The following ACTR3C variants were observed in gnomAD, a reference collection of about 807,000 sequenced individuals.
ACTR3C encodes actin related protein 3C.
ACTR3C carries 18 observed loss-of-function variants against 26.3 expected under a neutral mutation model. That is an observed-to-expected ratio of 0.68 (90% confidence interval 0.47 to 1.01). The LOEUF (loss-of-function observed/expected upper bound fraction) is 1.01, where lower values mean the gene tolerates loss of function less well. Ranked by LOEUF, ACTR3C falls within the 50% of genes least tolerant of loss-of-function variation. The pLI, the probability that ACTR3C is intolerant of heterozygous loss-of-function variation, is 0.00. For synonymous variants in ACTR3C, 55 were observed against 94.5 expected, an observed-to-expected ratio of 0.58 and a Z score of 2.42; for missense variants, 184 against 250.7, an observed-to-expected ratio of 0.73 and a Z score of 1.80.
At chr7:149,917,179 G>A in the ACTR3C span, among the ~76,000 whole-genome samples, 2 of 151,476 alleles carry the variant, frequency 1.3e-5, no homozygotes, top group Non-Finnish European at 2.9e-5. Flanking sequence ...GGGTTCAAGC[G>A]ATTCTCCTGC....
rs1315651494 is a variant in ACTR3C at position 150,272,595 on chromosome 7, A to T, written c.564+12158T>A. On this transcript the variant is annotated intron_variant, in intron 6 of 7. Transcript: ENST00000683684. ...CCAATAAATGTATTCTTTCCATCTC[A>T]TCTCAAAGTAAAGCAACAGTGCTTA... 9.3e-5 allele frequency among the ~76,000 whole-genome samples: 13 copies of T among 139,086 alleles called. 3 individuals carry two copies. In the East Asian group the frequency reaches 2.7e-3, roughly 28 times the overall value. 91.2% of individuals were successfully genotyped at this position (139,086 alleles called of 152,430 possible). A position where few individuals can be genotyped will look rare whatever the true frequency, so the allele number is the denominator to read the frequency against.
intron 1 of ACTR3C, among the ~76,000 whole-genome samples, chr7:150,319,202 CTTCT>C (rs1405851485): frequency 4.9e-5 from 7 of 143,866 alleles, no homozygotes; most frequent in East Asian, 2.3e-4. Flanking sequence ...AAAATTGCTT[CTTCT>C]TTTTTTTTTT....
chr7:150,205,109 G>GA, the ACTR3C span, among the ~76,000 whole-genome samples: 1 of 152,228 alleles, frequency 6.6e-6, no homozygotes, highest in African/African-American at 2.4e-5. Context: ...GAAAGAGCCA[G>GA]AAAAAAAGCT....
chr7:150,037,575 G>GCAAA, the ACTR3C span, among the ~76,000 whole-genome samples: 1 of 61,548 alleles, frequency 1.6e-5, no homozygotes, highest in African/African-American at 6.1e-5. Context: ...CTAAGAACCC[G>GCAAA]GGGGGGAAGA....
In ACTR3C at chr7:150,298,024, A is replaced by G. The variant is rs567187269; in HGVS notation, c.-51-2677T>C. ...GTGAAATCAAAAGATATTATTTAAA[A>G]CTGATAAAGTATCAGAGGCATTAGT... On this transcript the variant is annotated intron_variant, in intron 1 of 7. Coordinates refer to ENST00000683684, the MANE Select transcript of ACTR3C (RefSeq NM_001164458.2). Among the ~76,000 whole-genome samples, 11 of 151,604 alleles carry G rather than the reference A, an allele frequency of 7.3e-5. No individual in the cohort carries two copies. In the South Asian group the frequency reaches 1.5e-3, roughly 20 times the overall value.
intron 6 of ACTR3C, among the ~76,000 whole-genome samples, chr7:150,258,765 C>CTT (rs1389994250): frequency 6.6e-6 from 1 of 150,498 alleles, no homozygotes; most frequent in Non-Finnish European, 1.5e-5. Context: ...AAAGATCCAA[C>CTT]ATAAGAATAC....
chr7:149,908,785 CT>C, the ACTR3C span, among the ~76,000 whole-genome samples: 97 of 145,750 alleles, frequency 6.7e-4, no homozygotes, highest in Admixed American at 1.1e-3. Context: ...GGAATCCTAT[CT>C]TTTTTTTTTT....
the ACTR3C span, among the ~76,000 whole-genome samples, chr7:150,110,933 A>G: frequency 3.4e-5 from 5 of 148,786 alleles, no homozygotes; most frequent in Admixed American, 3.3e-4. Flanking sequence ...GTCAGGGGAC[A>G]TTGGAGAGAG....
At chr7:150,136,264 C>T in the ACTR3C span, among the ~76,000 whole-genome samples, 1 of 152,180 alleles carries the variant, frequency 6.6e-6, no homozygotes. Context: ...GGTAGCGTCT[C>T]CAGAACCTGT....
chr7:150,104,974 C>G, the ACTR3C span, among the ~76,000 whole-genome samples: 1 of 151,904 alleles, frequency 6.6e-6, no homozygotes, highest in Non-Finnish European at 1.5e-5. Context: ...CAATATATAC[C>G]GATAGCACAT....
chr7:150,198,540 A>T, the ACTR3C span, among the ~76,000 whole-genome samples: 4 of 121,384 alleles, frequency 3.3e-5, no homozygotes, highest in South Asian at 2.7e-4. Context: ...GCCGAGACCC[A>T]GTCTGGGAGG....
chr7:149,881,693 A>C, the ACTR3C span: 2,045 of 152,456 alleles, frequency 0.013, 18 homozygotes, highest in Middle Eastern at 0.034. Context: ...GGGGGTTCAG[A>C]GTGAGAAAAA....
At chr7:150,009,530 T>C in the ACTR3C span, among the ~76,000 whole-genome samples, 2 of 152,250 alleles carry the variant, frequency 1.3e-5, no homozygotes, top group African/African-American at 4.8e-5. Context: ...GCAGTAGCTT[T>C]GGGTAATAAA....
the ACTR3C span, among the ~76,000 whole-genome samples, chr7:149,925,778 C>T: frequency 1.3e-5 from 2 of 151,882 alleles, no homozygotes; most frequent in South Asian, 4.2e-4. Flanking sequence ...AAAAAACCTA[C>T]CAGCTGGGCA....
the ACTR3C span, among the ~76,000 whole-genome samples, chr7:150,031,275 T>TC: frequency 2.3e-5 from 3 of 132,480 alleles, no homozygotes; most frequent in Non-Finnish European, 3.2e-5. Context: ...AAAAAAAAAG[T>TC]AAAAAAAAAA....
chr7:150,271,270 C>T (rs999852126), intron 6 of ACTR3C, among the ~76,000 whole-genome samples: 2 of 146,248 alleles, frequency 1.4e-5, no homozygotes, highest in Non-Finnish European at 3.0e-5. Flanking sequence ...ACACGTGCCA[C>T]GGTGGTTTGC....
the ACTR3C span, among the ~76,000 whole-genome samples, chr7:150,112,189 T>C: frequency 2.0e-5 from 3 of 151,450 alleles, no homozygotes; most frequent in Non-Finnish European, 4.4e-5. Context: ...GCTCTGAGCT[T>C]CCTCAGTGGG....
chr7:149,898,346 T>C, the ACTR3C span, among the ~76,000 whole-genome samples: 3 of 152,178 alleles, frequency 2.0e-5, no homozygotes, highest in Non-Finnish European at 4.4e-5. Flanking sequence ...ACAGATACTA[T>C]CCTCTAGGCA....
the ACTR3C span, among the ~76,000 whole-genome samples, chr7:150,174,389 G>C: frequency 1.4e-5 from 2 of 138,606 alleles, 1 homozygote; most frequent in African/African-American, 6.6e-5. Context: ...CATAAGAATA[G>C]CATGGGAAAG....
Sources: allele counts gnomAD v4.1 joint callset (sites outside exome capture counted in the v4.1 genomes callset), GRCh38; gene constraint gnomAD v4.1.1; transcripts MANE v1.5; gene names NCBI Gene and HGNC (gene_info 2026-07-23, HGNC 2026-07-21).